Variants in CNTN4 observed in about 807,000 individuals in gnomAD.
The protein encoded by CNTN4 is contactin 4, also known as contactin-4.
A neutral mutation model predicts 122.5 loss-of-function variants in CNTN4; 77 were observed. The ratio of observed to expected loss-of-function variants is 0.63; its 90% confidence interval spans 0.52 to 0.76. The LOEUF is 0.76. Among genes scored for constraint, CNTN4 ranks in the 30% least tolerant of loss-of-function variants. CNTN4 has a pLI of 0.00. For synonymous variants in CNTN4, 512 were observed against 447.0 expected (o/e 1.15, Z -1.83); for missense variants, 1,256 against 1,259.1 (o/e 1.00, Z 0.04).
chr3:2,389,877 C>T (rs530786886), intron 3 of CNTN4, among the ~76,000 whole-genome samples: 1 of 152,230 alleles, frequency 6.6e-6, no homozygotes, highest in East Asian at 1.9e-4. Flanking sequence ...CAAAGCTAAA[C>T]TTTACAAAAT....
At chr3:2,844,505 T>A (rs914563360) in intron 7 of CNTN4, among the ~76,000 whole-genome samples, 1 of 152,124 alleles carries the variant, frequency 6.6e-6, no homozygotes, top group Non-Finnish European at 1.5e-5. Context: ...GACGCCTCGA[T>A]GGAAAAGTTT....
intron 3 of CNTN4, among the ~76,000 whole-genome samples, chr3:2,486,560 T>C (rs969308004): frequency 2.0e-5 from 3 of 152,224 alleles, no homozygotes; most frequent in Non-Finnish European, 4.4e-5. Flanking sequence ...TGAAGTCTAC[T>C]GTGTTACCCC....
At chr3:2,370,325 T>C (rs1288670836) in intron 3 of CNTN4, among the ~76,000 whole-genome samples, 1 of 152,200 alleles carries the variant, frequency 6.6e-6, no homozygotes, top group Non-Finnish European at 1.5e-5. Context: ...AATGATATTA[T>C]GTTGAAGAGA....
At chr3:2,157,297 T>G (rs919227715) in intron 2 of CNTN4, among the ~76,000 whole-genome samples, 3 of 152,090 alleles carry the variant, frequency 2.0e-5, no homozygotes, top group African/African-American at 7.2e-5. Context: ...TTTAAAGATA[T>G]GCGATATGAA....
intron 2 of CNTN4, among the ~76,000 whole-genome samples, chr3:2,199,026 C>T (rs1237573514): frequency 6.6e-6 from 1 of 152,168 alleles, no homozygotes; most frequent in Admixed American, 6.5e-5. Flanking sequence ...CTGGGTCATG[C>T]AGCCCATGGC....
intron 23 of CNTN4, among the ~76,000 whole-genome samples, chr3:3,053,541 A>C (rs143893721): frequency 6.6e-6 from 1 of 152,324 alleles, no homozygotes; most frequent in Middle Eastern, 3.4e-3. Flanking sequence ...AAGAGTGTCA[A>C]CTGAGCCTCC....
At chr3:2,734,341 C>T (rs1042662853) in intron 4 of CNTN4, among the ~76,000 whole-genome samples, 1 of 152,200 alleles carries the variant, frequency 6.6e-6, no homozygotes, top group Non-Finnish European at 1.5e-5. Context: ...GGATTCCAGG[C>T]TTGAGCCACG....
At chr3:2,328,249 CAA>C (rs570430041) in intron 2 of CNTN4, among the ~76,000 whole-genome samples, 8 of 151,348 alleles carry the variant, frequency 5.3e-5, no homozygotes, top group Non-Finnish European at 7.4e-5. Flanking sequence ...ACTAAAAATA[CAA>C]AAAAATTAGC....
chr3:2,957,336 G>A (rs1009945260), intron 13 of CNTN4, among the ~76,000 whole-genome samples: 8 of 152,048 alleles, frequency 5.3e-5, no homozygotes, highest in East Asian at 1.9e-4. Context: ...CATTCTTAGC[G>A]GTGTGAGAAG....
intron 2 of CNTN4, among the ~76,000 whole-genome samples, chr3:2,148,267 C>G (rs1411925852): frequency 6.6e-6 from 1 of 152,118 alleles, no homozygotes; most frequent in Non-Finnish European, 1.5e-5. Flanking sequence ...GGCGCAGTGG[C>G]TCCCTCCCAT....
chr3:3,016,691 C>T (rs1697788937), intron 14 of CNTN4, among the ~76,000 whole-genome samples: 1 of 152,100 alleles, frequency 6.6e-6, no homozygotes, highest in South Asian at 2.1e-4. Flanking sequence ...ACATTTTGAC[C>T]AGGCAGATCT....
In CNTN4 at chr3:2,988,425, C is replaced by G. The variant is rs758106295; in HGVS notation, c.1439C>G (p.Thr480Ser). The change falls in exon 14 of 25, where the codon ACT becomes AGT. Residue 480 changes from threonine to serine, a missense_variant. By Grantham distance (58) the Thr-to-Ser change is moderately conservative. Coordinates refer to ENST00000418658, the MANE Select transcript of CNTN4 (RefSeq NM_175607.3). ...SDAGSYTCIA[T>S]NHFGTASSTG... is the part of the protein sequence containing the mutation. ...GCTGGGAGTTATACCTGTATAGCCACTAACCATTTTGGAACTGCTAGCAGT... is the reference window on the plus strand; with the variant it reads ...GCTGGGAGTTATACCTGTATAGCCAGTAACCATTTTGGAACTGCTAGCAGT... 3 of 1,613,796 alleles carry G rather than the reference C, an allele frequency of 1.9e-6. No homozygotes were observed. The highest frequency in any genetic ancestry group is 1.3e-5 in the African/African-American group (1 of 75,012).
chr3:2,216,784 T>G (rs2038859163), intron 2 of CNTN4, among the ~76,000 whole-genome samples: 1 of 152,130 alleles, frequency 6.6e-6, no homozygotes, highest in Non-Finnish European at 1.5e-5. Flanking sequence ...GGTTCCAGTC[T>G]GCATACCCCT....
chr3:2,761,558 A>G (rs1168374409), intron 6 of CNTN4, among the ~76,000 whole-genome samples: 3 of 151,838 alleles, frequency 2.0e-5, no homozygotes, highest in African/African-American at 7.3e-5. Context: ...GTCTGTGAGT[A>G]TTCTAGTATT....
At position 2,763,021 on chromosome 3, in the gene CNTN4, A is replaced by G. The variant is rs952210689; in HGVS notation, c.358+17324A>G. On this transcript the variant is annotated intron_variant, in intron 6 of 24. Transcript: ENST00000418658. The stretch of plus-strand genomic sequence containing the variant: ...CAGTGGCTCGATCTCAGCTCTCCAC[A>G]AGCTCCGCCTCCCGGGTTCATGCCA... 2.0e-5 allele frequency among the ~76,000 whole-genome samples: 3 copies of G among 148,290 alleles called. No individual in the cohort carries two copies. In the Admixed American group the frequency reaches 2.1e-4, roughly 10 times the overall value.
intron 2 of CNTN4, among the ~76,000 whole-genome samples, chr3:2,143,015 G>A (rs1234477322): frequency 6.6e-6 from 1 of 152,170 alleles, no homozygotes; most frequent in Admixed American, 6.5e-5. Flanking sequence ...GGATTCAAAC[G>A]TATGTCATGC....
intron 3 of CNTN4, among the ~76,000 whole-genome samples, chr3:2,436,285 G>C (rs1330548748): frequency 6.6e-6 from 1 of 152,028 alleles, no homozygotes; most frequent in Non-Finnish European, 1.5e-5. Flanking sequence ...GATGTACAAA[G>C]GAAGATAATG....
intron 3 of CNTN4, among the ~76,000 whole-genome samples, chr3:2,370,300 GA>G (rs935439193): frequency 6.6e-6 from 1 of 151,870 alleles, no homozygotes; most frequent in Non-Finnish European, 1.5e-5. Context: ...CCATTAAAAT[GA>G]AAAAAACCTC....
chr3:2,975,339 A>G (rs1373332074), intron 13 of CNTN4, among the ~76,000 whole-genome samples: 5 of 152,188 alleles, frequency 3.3e-5, no homozygotes, highest in East Asian at 1.9e-4. Context: ...TAGGAAGGGT[A>G]CAGGCTCTCT....
Sources: gnomAD v4.1 joint callset for allele counts (sites outside exome capture counted in the v4.1 genomes callset) on GRCh38, gnomAD v4.1.1 for gene constraint, MANE v1.5 for transcripts, NCBI Gene and HGNC (gene_info 2026-07-23, HGNC 2026-07-21) for gene names.